Variants in TMEM132B observed in about 807,000 individuals in gnomAD.
TMEM132B encodes the protein transmembrane protein 132B.
A neutral mutation model predicts 90.8 loss-of-function variants in TMEM132B; 18 were observed. That is an observed-to-expected ratio of 0.20 (90% CI 0.14 to 0.29). The LOEUF is 0.29. Among genes scored for constraint, TMEM132B ranks in the 10% least tolerant of loss-of-function variants. TMEM132B has a pLI of 1.00. For synonymous variants in TMEM132B, 504 were observed against 523.3 expected, an observed-to-expected ratio of 0.96 and a Z score of 0.50; for missense variants, 1,096 against 1,326.8, an observed-to-expected ratio of 0.83 and a Z score of 2.70.
intron 2 of TMEM132B, among the ~76,000 whole-genome samples, chr12:125,362,731 A>G (rs1877999600): frequency 6.6e-6 from 1 of 152,194 alleles, no homozygotes; most frequent in Non-Finnish European, 1.5e-5. Flanking sequence ...GTCCTTCTAT[A>G]ATTGGCTTAT....
intron 4 of TMEM132B, among the ~76,000 whole-genome samples, chr12:125,552,354 A>G (rs769072367): frequency 6.6e-6 from 1 of 152,200 alleles, no homozygotes; most frequent in Non-Finnish European, 1.5e-5. Flanking sequence ...CAGTGGCCAC[A>G]CGTTTTCTAG....
At chr12:125,237,615 A>T (rs575809443) in intron 1 of TMEM132B, among the ~76,000 whole-genome samples, 133 of 151,932 alleles carry the variant, frequency 8.8e-4, no homozygotes, top group Non-Finnish European at 1.4e-3. Flanking sequence ...CGCCCAGCTA[A>T]TTTTTGTATT....
intron 4 of TMEM132B, among the ~76,000 whole-genome samples, chr12:125,572,531 T>C (rs919118360): frequency 6.6e-6 from 1 of 152,214 alleles, no homozygotes; most frequent in African/African-American, 2.4e-5. Flanking sequence ...AATTTTGTTC[T>C]TTATAAATTA....
At chr12:125,465,380 G>A (rs1881536577) in intron 3 of TMEM132B, among the ~76,000 whole-genome samples, 1 of 152,196 alleles carries the variant, frequency 6.6e-6, no homozygotes, top group African/African-American at 2.4e-5. Context: ...AGGAGAACAA[G>A]ACAGTTACTA....
intron 1 of TMEM132B, among the ~76,000 whole-genome samples, chr12:125,244,098 TC>T (rs1874152612): frequency 6.6e-6 from 1 of 152,214 alleles, no homozygotes; most frequent in Non-Finnish European, 1.5e-5. Flanking sequence ...AGAATGTCAT[TC>T]TTTTTATGGC....
chr12:125,304,353 A>G (rs1248877018), intron 1 of TMEM132B, among the ~76,000 whole-genome samples: 1 of 152,084 alleles, frequency 6.6e-6, no homozygotes, highest in African/African-American at 2.4e-5. Flanking sequence ...ATGCACAAAA[A>G]TTTTATTTTT....
At chr12:125,216,547 G>T (rs1873442819) in intron 1 of TMEM132B, among the ~76,000 whole-genome samples, 1 of 152,136 alleles carries the variant, frequency 6.6e-6, no homozygotes, top group Non-Finnish European at 1.5e-5. Context: ...TTGTGTCTTT[G>T]TTGAGAAAAT....
At chr12:125,629,663 A>T (rs1261900069) in intron 5 of TMEM132B, among the ~76,000 whole-genome samples, 1 of 152,012 alleles carries the variant, frequency 6.6e-6, no homozygotes, top group Non-Finnish European at 1.5e-5. Flanking sequence ...TAGCTGGGAC[A>T]TCCAGTACTA....
At chr12:125,533,797 G>A (rs1285770470) in intron 4 of TMEM132B, among the ~76,000 whole-genome samples, 2 of 152,192 alleles carry the variant, frequency 1.3e-5, no homozygotes, top group Admixed American at 1.3e-4. Context: ...CCTGCAGCCC[G>A]AGCCAGCGCT....
intron 4 of TMEM132B, among the ~76,000 whole-genome samples, chr12:125,536,493 C>G (rs1161134573): frequency 6.6e-6 from 1 of 152,222 alleles, no homozygotes; most frequent in African/African-American, 2.4e-5. Context: ...ACTGCACCAT[C>G]CACTCAATTC....
intron 1 of TMEM132B, among the ~76,000 whole-genome samples, chr12:125,202,234 A>G (rs148741799): frequency 0.022 from 3,345 of 152,350 alleles, 55 homozygotes; most frequent in Admixed American, 0.034. Flanking sequence ...GCAGATGCCA[A>G]TCTGTTAGGA....
At chr12:125,443,788 G>T (rs897441459) in intron 3 of TMEM132B, among the ~76,000 whole-genome samples, 2 of 151,906 alleles carry the variant, frequency 1.3e-5, no homozygotes, top group Admixed American at 6.6e-5. Context: ...CAAGAAAAAT[G>T]TTTTTTTTAA....
At chr12:125,322,328 C>G (rs1431307060) in intron 1 of TMEM132B, among the ~76,000 whole-genome samples, 1 of 152,226 alleles carries the variant, frequency 6.6e-6, no homozygotes, top group Non-Finnish European at 1.5e-5. Context: ...GATTGTGAGG[C>G]CTCCCCAGCC....
Position 125,407,743 on chromosome 12 carries a change from G to C in TMEM132B, c.960-7788G>C, listed in dbSNP as rs1406029894. Among the ~76,000 whole-genome samples the C allele has an allele frequency of 6.6e-6, 1 of 152,150 alleles. No homozygotes were observed. On this transcript the variant is annotated intron_variant, in intron 2 of 8. Coordinates refer to ENST00000682704, the MANE Select transcript of TMEM132B (RefSeq NM_001366854.1). The surrounding 1 kb of genome is among the most constrained non-coding windows in gnomAD (Gnocchi z 6.7). ...CCGCGGACACCTGGTGGAGGTCTGGGGGAGAAACGCCTCTGTGTGTCTGGG... is the reference window on the plus strand; with the variant it reads ...CCGCGGACACCTGGTGGAGGTCTGGCGGAGAAACGCCTCTGTGTGTCTGGG...
intron 4 of TMEM132B, among the ~76,000 whole-genome samples, chr12:125,580,833 G>A (rs1001466167): frequency 3.3e-5 from 5 of 152,142 alleles, no homozygotes; most frequent in Admixed American, 6.5e-5. Flanking sequence ...ATGCTTCAAG[G>A]CATGAAACCT....
intron 2 of TMEM132B, among the ~76,000 whole-genome samples, chr12:125,409,639 A>AGT (rs71433339): frequency 0.093 from 4,496 of 48,316 alleles, 479 homozygotes; most frequent in East Asian, 0.17. Context: ...AGTGGAGTGG[A>AGT]GGAGTGGAGT....
At chr12:125,298,682 A>AC (rs1180089366) in intron 1 of TMEM132B, among the ~76,000 whole-genome samples, 4 of 148,504 alleles carry the variant, frequency 2.7e-5, no homozygotes, top group Admixed American at 6.7e-5. Context: ...TCAAAAAAAA[A>AC]AAAAAAAGTG....
Position 125,445,789 on chromosome 12 carries a change from C to T in TMEM132B, c.1106+30112C>T, listed in dbSNP as rs58068358. On this transcript the variant is annotated intron_variant, in intron 3 of 8. Transcript: ENST00000682704. This position sits in a 1 kb window ranked among gnomAD's most constrained non-coding sequence, Gnocchi z 4.3. ...CAGCCTGCACCGCGGAGAGTTGGCT[C>T]CTTTGACTTGGAGACAGACATCTCA... Among the ~76,000 whole-genome samples, 3,168 of 152,270 alleles carry T rather than the reference C, an allele frequency of 0.021. 100 individuals are homozygous for T. Among genetic ancestry groups the T allele is most frequent in the African/African-American group, 0.072 (2,975 of 41,532 alleles).
chr12:125,619,585 G>A (rs1482673091), intron 5 of TMEM132B, among the ~76,000 whole-genome samples: 1 of 151,958 alleles, frequency 6.6e-6, no homozygotes, highest in African/African-American at 2.4e-5. Context: ...GGCTGGTCTT[G>A]AACTCCTGAC....
Sources: gnomAD v4.1 joint callset for allele counts (sites outside exome capture counted in the v4.1 genomes callset) on GRCh38, gnomAD v4.1.1 for gene constraint, Gnocchi (gnomAD v3.1) non-coding constraint, MANE v1.5 for transcripts, NCBI Gene and HGNC (gene_info 2026-07-23, HGNC 2026-07-21) for gene names.